INTS4: variants seen among roughly 807,000 people sequenced by gnomAD.
INTS4 encodes integrator complex subunit 4.
INTS4 carries 70 observed loss-of-function variants against 119.5 expected under a neutral mutation model. The ratio of observed to expected loss-of-function variants is 0.59; its 90% CI spans 0.48 to 0.71. The LOEUF (loss-of-function observed/expected upper bound fraction) is 0.71. INTS4 is among the 30% of genes least tolerant of loss of function. The probability of loss-of-function intolerance (pLI) is 0.00; values close to 1 mark genes in which losing one functional copy is unlikely to be tolerated. For missense variants in INTS4, 867 were observed against 1,173.2 expected (o/e 0.74, Z 3.81); for synonymous variants, 316 against 419.6 (o/e 0.75, Z 3.02).
chr11:77,936,415 C>T (rs1953791489), intron 10 of INTS4, among the ~76,000 whole-genome samples: 2 of 152,144 alleles, frequency 1.3e-5, no homozygotes, highest in African/African-American at 4.8e-5. Context: ...CAGGGTCTTG[C>T]TCTGTCACCC....
chr11:77,985,970 T>G (rs1411811058), intron 2 of INTS4, among the ~76,000 whole-genome samples: 1 of 152,076 alleles, frequency 6.6e-6, no homozygotes, highest in Non-Finnish European at 1.5e-5. Flanking sequence ...CACTAAAATA[T>G]TAACATAAAA....
intron 2 of INTS4, chr11:77,986,874 A>C (rs1591149988): frequency 6.6e-6 from 1 of 152,182 alleles, no homozygotes; most frequent in African/African-American, 2.4e-5. Flanking sequence ...CATTAGGAGA[A>C]ATACCTAAAG....
At chr11:77,892,524 T>A (rs1003402570) in intron 19 of INTS4, among the ~76,000 whole-genome samples, 3 of 152,186 alleles carry the variant, frequency 2.0e-5, no homozygotes, top group Non-Finnish European at 2.9e-5. Context: ...ACTCTCTACT[T>A]TAAAGAAACT....
chr11:77,959,241 CTCTT>C (rs1954404839), intron 6 of INTS4, among the ~76,000 whole-genome samples: 1 of 152,218 alleles, frequency 6.6e-6, no homozygotes, highest in South Asian at 2.1e-4. Flanking sequence ...AATCCACTCA[CTCTT>C]TCTGGGTAGC....
Position 77,991,211 on chromosome 11 carries a change from G to A in INTS4, c.143C>T (p.Ser48Phe). The A allele has an allele frequency of 6.2e-7, 1 of 1,614,162 alleles. No homozygotes were observed. Among genetic ancestry groups the A allele is most frequent in the Non-Finnish European group, 8.5e-7 (1 of 1,179,994 alleles). ...ALHIDLCKAT[S>F]PADALQYLLQ... ...CAAGTATTGCAAAGCATCTGCTGGGGAGGTAGCTTTACACAGATCTATGTG... is the reference window on the plus strand; with the variant it reads ...CAAGTATTGCAAAGCATCTGCTGGGAAGGTAGCTTTACACAGATCTATGTG... The change falls in exon 2 of 23, where the codon TCC becomes TTC. Residue 48 changes from serine to phenylalanine, a missense_variant. Physicochemically the swap from Ser to Phe is radical, Grantham distance 155. Around this residue, in one of 5 missense-constraint regions of INTS4, gnomAD observed 224 missense variants for 231.8 expected, o/e 0.97. Coordinates refer to ENST00000534064, the MANE Select transcript of INTS4 (RefSeq NM_033547.4).
chr11:77,877,125 GTGGAAATAGACTGCC>G (rs1388665614), downstream of INTS4: 22 of 680,612 alleles, frequency 3.2e-5, no homozygotes, highest in Non-Finnish European at 4.8e-5. Flanking sequence ...TCATGACCTC[GTGGAAATAGACTGCC>G]TGGAAATAGA....
downstream of INTS4, chr11:77,877,087 C>T: frequency 1.4e-6 from 1 of 701,404 alleles, no homozygotes; most frequent in South Asian, 1.5e-5. Context: ...TGGAGTTAAT[C>T]ATTCTTCCCC....
chr11:77,941,660 T>C (rs918486444), intron 8 of INTS4, among the ~76,000 whole-genome samples: 3 of 151,990 alleles, frequency 2.0e-5, no homozygotes, highest in African/African-American at 7.3e-5. Flanking sequence ...TAATTGTAAT[T>C]TTTTGTTTTT....
Position 77,891,659 on chromosome 11 carries a change from C to G in INTS4, c.2448+22G>C, listed in dbSNP as rs373416187. On this transcript the variant is annotated intron_variant, in intron 20 of 22. Coordinates refer to ENST00000534064, the MANE Select transcript of INTS4 (RefSeq NM_033547.4). ...TGACCGTCTGGACAGATTTGGCCTA[C>G]AGGGGCCAAATAGACCCTGACCTGC... 36 of 1,611,204 alleles carry G rather than the reference C, an allele frequency of 2.2e-5. 2 individuals are homozygous for G. The highest frequency in any genetic ancestry group is 6.7e-5 in the East Asian group (3 of 44,878).
chr11:77,989,305 T>C (rs1856573010), intron 2 of INTS4, among the ~76,000 whole-genome samples: 1 of 151,800 alleles, frequency 6.6e-6, no homozygotes, highest in African/African-American at 2.4e-5. Flanking sequence ...CTGGCCAACA[T>C]GGTGAAACCC....
chr11:77,912,109 C>T (rs1953100623), intron 15 of INTS4, among the ~76,000 whole-genome samples: 2 of 152,136 alleles, frequency 1.3e-5, no homozygotes, highest in Admixed American at 1.3e-4. Flanking sequence ...CACCTGTAAT[C>T]CTAGCACTTT....
At chr11:77,951,264 G>A (rs1329428083) in intron 8 of INTS4, among the ~76,000 whole-genome samples, 1 of 152,072 alleles carries the variant, frequency 6.6e-6, no homozygotes, top group African/African-American at 2.4e-5. Flanking sequence ...GGGTCAAATG[G>A]TATTTCTAGT....
chr11:77,888,012 A>G (rs1952092951), intron 21 of INTS4, among the ~76,000 whole-genome samples: 1 of 152,236 alleles, frequency 6.6e-6, no homozygotes, highest in Non-Finnish European at 1.5e-5. Flanking sequence ...GGTAATTTAT[A>G]CATTCAATGC....
intron 4 of INTS4, among the ~76,000 whole-genome samples, chr11:77,976,740 G>A (rs1486030813): frequency 6.6e-6 from 1 of 152,208 alleles, no homozygotes; most frequent in South Asian, 2.1e-4. Flanking sequence ...GGAATCCTAT[G>A]CAGCCATAAA....
intron 2 of INTS4, chr11:77,987,310 G>A (rs1270917887): frequency 6.2e-6 from 1 of 160,730 alleles, no homozygotes; most frequent in Non-Finnish European, 1.4e-5. Flanking sequence ...GGGTGACCTT[G>A]GATACTAAAC....
At chr11:77,875,041 C>CAAAA (rs397791397), downstream of INTS4, among the ~76,000 whole-genome samples, 1 of 120,940 alleles carries the variant, frequency 8.3e-6, no homozygotes. Flanking sequence ...GACTCCATCT[C>CAAAA]AAAAAAAAAA....
At chr11:77,976,405 A>T (rs1295022033) in intron 4 of INTS4, among the ~76,000 whole-genome samples, 1 of 152,180 alleles carries the variant, frequency 6.6e-6, no homozygotes, top group Non-Finnish European at 1.5e-5. Context: ...AGTCTAGGCC[A>T]GGCACTGTGG....
chr11:77,949,452 T>C (rs1591095309), intron 8 of INTS4, among the ~76,000 whole-genome samples: 1 of 150,466 alleles, frequency 6.6e-6, no homozygotes, highest in Admixed American at 6.6e-5. Context: ...TGGGAGAAAA[T>C]TTTTGCAATC....
At position 77,889,038 on chromosome 11, in the gene INTS4, C is replaced by T. The variant is rs184531330; in HGVS notation, c.2592+2281G>A. On this transcript the variant is annotated intron_variant, in intron 21 of 22. Transcript: ENST00000534064. ...GTGGCAATTCCTCAGGGATCTAGAA[C>T]TAGAAATACCATTTGACCCAGTCAT... 6.2e-3 allele frequency among the ~76,000 whole-genome samples: 942 copies of T among 152,230 alleles called. 6 individuals are homozygous for T. The highest frequency in any genetic ancestry group is 0.021 in the African/African-American group (863 of 41,542).
Sources: gnomAD v4.1 joint callset for allele counts (sites outside exome capture counted in the v4.1 genomes callset) on GRCh38, gnomAD v4.1.1 for gene constraint, gnomAD v4.1.1 regional missense constraint, MANE v1.5 for transcripts, NCBI Gene and HGNC (gene_info 2026-07-23, HGNC 2026-07-21) for gene names.